Variants in LRRC4C observed in about 807,000 individuals in gnomAD.
The protein encoded by LRRC4C is leucine-rich repeat-containing protein 4C.
In LRRC4C, 5 loss-of-function variants were observed where a neutral mutation model predicts 33.6. The observed-to-expected ratio is 0.15, with a 90% CI of 0.08 to 0.31. The LOEUF (loss-of-function observed/expected upper bound fraction) is 0.31, where lower values mean the gene tolerates loss of function less well. Among genes scored for constraint, LRRC4C ranks in the 10% least tolerant of loss-of-function variants. The pLI is 1.00. For missense variants in LRRC4C, 560 were observed against 796.7 expected (o/e 0.70, Z 3.58); for synonymous variants, 329 against 302.0 (o/e 1.09, Z -0.93).
At chr11:40,290,670 G>T (rs933021838) in intron 4 of LRRC4C, among the ~76,000 whole-genome samples, 2 of 152,100 alleles carry the variant, frequency 1.3e-5, no homozygotes, top group African/African-American at 4.8e-5. Flanking sequence ...GGAGAGTGCT[G>T]CCTTTCATCT....
chr11:40,735,536 A>G (rs1392421243), intron 2 of LRRC4C, among the ~76,000 whole-genome samples: 1 of 146,058 alleles, frequency 6.8e-6, no homozygotes, highest in Non-Finnish European at 1.5e-5. Flanking sequence ...TATGTGCCAC[A>G]TTTTCTTAAT....
intron 3 of LRRC4C, among the ~76,000 whole-genome samples, chr11:40,517,626 T>C (rs1171890802): frequency 6.6e-6 from 1 of 152,074 alleles, no homozygotes; most frequent in Non-Finnish European, 1.5e-5. Context: ...AGAGAAGCCT[T>C]ATGGTGGTTT....
At chr11:41,452,717 C>A (rs115984733) in intron 1 of LRRC4C, among the ~76,000 whole-genome samples, 1 of 152,034 alleles carries the variant, frequency 6.6e-6, no homozygotes, top group Non-Finnish European at 1.5e-5. Flanking sequence ...ATGTCCCCCA[C>A]TGACATCAAT....
chr11:40,944,671 A>G (rs1159795651), intron 1 of LRRC4C, among the ~76,000 whole-genome samples: 1 of 152,128 alleles, frequency 6.6e-6, no homozygotes, highest in Non-Finnish European at 1.5e-5. Flanking sequence ...GTAAGCTCCC[A>G]GTCCTCGAGA....
intron 3 of LRRC4C, among the ~76,000 whole-genome samples, chr11:40,550,747 A>G (rs1284973443): frequency 6.6e-6 from 1 of 151,986 alleles, no homozygotes; most frequent in African/African-American, 2.4e-5. Flanking sequence ...CAGCAGAAGG[A>G]CCACCATGGG....
At chr11:40,119,074 C>T (rs1034406970) in intron 6 of LRRC4C, among the ~76,000 whole-genome samples, 10 of 152,108 alleles carry the variant, frequency 6.6e-5, no homozygotes, top group African/African-American at 2.4e-4. Context: ...AGGACATGAT[C>T]CTTTCACTAG....
intron 3 of LRRC4C, among the ~76,000 whole-genome samples, chr11:40,429,493 C>G (rs1483925878): frequency 6.6e-6 from 1 of 151,962 alleles, no homozygotes; most frequent in Non-Finnish European, 1.5e-5. Context: ...AGACTAAGAA[C>G]TCCTAGACTA....
At chr11:40,669,756 A>T (rs1379029872) in intron 2 of LRRC4C, among the ~76,000 whole-genome samples, 2 of 152,210 alleles carry the variant, frequency 1.3e-5, no homozygotes, top group East Asian at 1.9e-4. Flanking sequence ...AAGAGATATC[A>T]TCTGTCACTT....
chr11:40,780,260 A>G (rs1391003956), intron 2 of LRRC4C, among the ~76,000 whole-genome samples: 1 of 152,196 alleles, frequency 6.6e-6, no homozygotes, highest in East Asian at 1.9e-4. Context: ...TTAAAAAATT[A>G]TCACCTTAAA....
intron 5 of LRRC4C, among the ~76,000 whole-genome samples, chr11:40,166,690 C>A (rs1859624695): frequency 6.6e-6 from 1 of 151,774 alleles, no homozygotes; most frequent in Non-Finnish European, 1.5e-5. Context: ...ATCACTGCAG[C>A]TCTTTAAAAA....
intron 1 of LRRC4C, among the ~76,000 whole-genome samples, chr11:41,379,229 T>A (rs1261966975): frequency 1.3e-5 from 2 of 152,116 alleles, no homozygotes; most frequent in African/African-American, 2.4e-5. Flanking sequence ...AGCCTGCATA[T>A]GGTTCAAAAC....
chr11:41,151,642 G>A (rs1198951400), intron 1 of LRRC4C, among the ~76,000 whole-genome samples: 1 of 152,158 alleles, frequency 6.6e-6, no homozygotes, highest in African/African-American at 2.4e-5. Context: ...TGAAGAAACT[G>A]CACATTCAAA....
At chr11:41,077,863 T>G (rs535885383) in intron 1 of LRRC4C, among the ~76,000 whole-genome samples, 1 of 152,316 alleles carries the variant, frequency 6.6e-6, no homozygotes, top group African/African-American at 2.4e-5. Context: ...TAAGCTTCAA[T>G]TTCAGATTAC....
At chr11:41,304,481 G>A (rs1950406903) in intron 1 of LRRC4C, among the ~76,000 whole-genome samples, 3 of 103,228 alleles carry the variant, frequency 2.9e-5, no homozygotes, top group South Asian at 7.9e-4. Context: ...TGGGAAGTGA[G>A]GAGCCCCTCT....
intron 1 of LRRC4C, among the ~76,000 whole-genome samples, chr11:41,081,951 A>G (rs961601438): frequency 1.3e-5 from 2 of 152,148 alleles, no homozygotes; most frequent in East Asian, 3.9e-4. Context: ...GGGTCTCCCT[A>G]TGGGCAGCTG....
intron 1 of LRRC4C, among the ~76,000 whole-genome samples, chr11:41,065,010 GT>G: frequency 6.6e-6 from 1 of 152,184 alleles, no homozygotes; most frequent in East Asian, 1.9e-4. Context: ...AGCTGCACGA[GT>G]TTTTTCACAC....
intron 5 of LRRC4C, among the ~76,000 whole-genome samples, chr11:40,189,385 T>A (rs979714279): frequency 2.0e-5 from 3 of 152,176 alleles, no homozygotes; most frequent in African/African-American, 7.2e-5. Flanking sequence ...TGGCCTTACA[T>A]AGATTCCCTA....
At chr11:41,334,974 A>T (rs1412412214) in intron 1 of LRRC4C, among the ~76,000 whole-genome samples, 1 of 152,188 alleles carries the variant, frequency 6.6e-6, no homozygotes, top group Non-Finnish European at 1.5e-5. Context: ...CAAATTTTTC[A>T]ATCTAATTCT....
intron 3 of LRRC4C, among the ~76,000 whole-genome samples, chr11:40,546,426 C>A (rs16934927): frequency 0.11 from 16,233 of 151,964 alleles, 1,856 homozygotes; most frequent in African/African-American, 0.29. Flanking sequence ...CAGTTTCATC[C>A]TCTAGAATAT....
Sources: allele counts gnomAD v4.1 joint callset (sites outside exome capture counted in the v4.1 genomes callset), GRCh38; gene constraint gnomAD v4.1.1; transcripts MANE v1.5; gene names NCBI Gene and HGNC (gene_info 2026-07-23, HGNC 2026-07-21).